The following METRNL variants were observed in gnomAD, a reference collection of about 807,000 sequenced individuals.
The protein encoded by METRNL is meteorin-like protein.
In METRNL, 9 loss-of-function variants were observed where a neutral mutation model predicts 17.4. That is an observed-to-expected ratio of 0.52 (90% CI 0.31 to 0.90). The LOEUF is 0.90. Among genes scored for constraint, METRNL ranks in the 40% least tolerant of loss-of-function variants. METRNL has a pLI of 0.05. For missense variants in METRNL, 408 were observed against 430.7 expected (o/e 0.95, Z 0.47); for synonymous variants, 215 against 199.3 (o/e 1.08, Z -0.66).
chr17:83,092,126 C>A (rs987336775), intron 2 of METRNL, among the ~76,000 whole-genome samples: 1 of 152,210 alleles, frequency 6.6e-6, no homozygotes, highest in Admixed American at 6.5e-5. Flanking sequence ...GGAGGCCAGG[C>A]CCCGCAGGGT....
Position 83,085,315 on chromosome 17 carries a change from AG to A in METRNL, c.549del (p.Glu183AspfsTer16). On this transcript the variant is annotated frameshift_variant, in exon 2 of 4. Transcript: ENST00000320095. LOFTEE classifies it high-confidence loss of function. ...VRRHRASDLH[E>X]LSAPCRPCSD... ...AGGCACAGGGCGTCGGACCTGCACG[AG>A]CTGTCTGGTGAGTGTCCTGCCTGGG... is the stretch of plus-strand genomic sequence containing the variant. The A allele has an allele frequency of 6.6e-7, 1 of 1,524,552 alleles. No homozygotes were observed. Among genetic ancestry groups the A allele is most frequent in the Non-Finnish European group, 8.8e-7 (1 of 1,135,674 alleles). 94.4% of individuals were successfully genotyped at this position (1,524,552 alleles called of 1,614,324 possible).
At chr17:83,092,638 G>A (rs1039046239) in intron 2 of METRNL, 1 of 140,152 alleles carries the variant, frequency 7.1e-6, no homozygotes, top group Admixed American at 7.0e-5. Flanking sequence ...GGTTGGGGGC[G>A]ACTCTGGGAG....
At chr17:83,086,856 G>A (rs769468545) in intron 2 of METRNL, among the ~76,000 whole-genome samples, 5 of 152,116 alleles carry the variant, frequency 3.3e-5, no homozygotes, top group Non-Finnish European at 7.4e-5. Flanking sequence ...CAGCTGGGGC[G>A]ACCCTTACGG....
Position 83,079,972 on chromosome 17 carries a change from A to C in METRNL, c.157A>C (p.Ser53Arg), listed in dbSNP as rs981027542. The change falls in exon 1 of 4, where the codon AGC becomes CGC. Residue 53 changes from serine (S) to arginine (R), a missense_variant. Physicochemically the swap from Ser to Arg is moderately radical, Grantham distance 110 (BLOSUM62 -1). Coordinates refer to ENST00000320095, the MANE Select transcript of METRNL (RefSeq NM_001004431.3). ...CGCGCAGTACTCCAGCGACCGGTGC[A>C]GCTGGAAGGGGAGGTGAGTGTGCGC... ...AGAQYSSDRC[S>R]WKGSGLTHEA... 3 of 1,013,148 alleles carry C rather than the reference A, an allele frequency of 3.0e-6. No individual in the cohort carries two copies. Among genetic ancestry groups the C allele is most frequent in the Non-Finnish European group, 3.5e-6 (3 of 849,770 alleles). 62.8% of individuals were successfully genotyped at this position (1,013,148 alleles called of 1,614,324 possible). A position where few individuals can be genotyped will look rare whatever the true frequency, so the allele number is the denominator to read the frequency against.
At chr17:83,087,821 C>G (rs2038069910) in intron 2 of METRNL, among the ~76,000 whole-genome samples, 1 of 152,132 alleles carries the variant, frequency 6.6e-6, no homozygotes, top group South Asian at 2.1e-4. Context: ...GCACGACCCA[C>G]GGGAGGTGGA....
chr17:83,080,351 C>G (rs1055234754), intron 1 of METRNL: 11 of 150,312 alleles, frequency 7.3e-5, no homozygotes, highest in African/African-American at 2.7e-4. Flanking sequence ...TTGCGCGCCC[C>G]GAGGCCGCCC....
intron 2 of METRNL, among the ~76,000 whole-genome samples, chr17:83,088,482 C>T (rs1013405749): frequency 5.9e-5 from 9 of 152,196 alleles, no homozygotes; most frequent in African/African-American, 2.2e-4. Context: ...GTGTCAGATG[C>T]TCCTGGCTTG....
intron 2 of METRNL, among the ~76,000 whole-genome samples, chr17:83,086,364 T>C (rs1295685575): frequency 2.0e-5 from 3 of 152,236 alleles, no homozygotes; most frequent in Non-Finnish European, 4.4e-5. Context: ...AGACTGCCCC[T>C]TGGGCCTCAG....
At position 83,094,368 on chromosome 17, in the gene METRNL, G is replaced by T. The variant is rs938201969; in HGVS notation, c.729G>T (p.Val243=). Residue 243 remains valine (V), a synonymous_variant, in exon 4 of 4, where the codon GTG becomes GTT. Transcript: ENST00000320095. ...AGAAAAGCAGGGTCTTCGAGCCGGT[G>T]CCCGAGGGTGACGGCCACTGGCAGG... ...YRQKSRVFEP[V]PEGDGHWQGR... 1 of 1,610,956 alleles carries T rather than the reference G, an allele frequency of 6.2e-7. No homozygotes were observed. Among genetic ancestry groups the T allele is most frequent in the Non-Finnish European group, 8.5e-7 (1 of 1,178,604 alleles).
chr17:83,083,465 A>G (rs1226482109), intron 1 of METRNL, among the ~76,000 whole-genome samples: 2 of 152,230 alleles, frequency 1.3e-5, no homozygotes, highest in South Asian at 2.1e-4. Context: ...TGAGTGTATC[A>G]GCCACTCACC....
chr17:83,094,441 G>A lies in METRNL; in HGVS notation c.802G>A (p.Asp268Asn), dbSNP rs561416919. Residue 268 changes from aspartate (D) to asparagine (N), a missense_variant, in exon 4 of 4, where the codon GAC (aspartate) becomes AAC (asparagine). By Grantham distance (23) the Asp-to-Asn change is conservative. Coordinates refer to ENST00000320095, the MANE Select transcript of METRNL (RefSeq NM_001004431.3). ...LECGVRPGHG[D>N]FLFTGHMHFG... The stretch of plus-strand genomic sequence containing the variant: ...GTGTGGCGTGCGGCCGGGGCATGGC[G>A]ACTTCCTCTTCACTGGCCACATGCA... The A allele has an allele frequency of 6.9e-6, 11 of 1,597,278 alleles. No homozygotes were observed. Among genetic ancestry groups the A allele is most frequent in the African/African-American group, 5.3e-5 (4 of 74,802 alleles).
intron 2 of METRNL, among the ~76,000 whole-genome samples, chr17:83,086,533 G>A (rs1207469327): frequency 1.3e-5 from 2 of 152,176 alleles, no homozygotes; most frequent in Non-Finnish European, 2.9e-5. Flanking sequence ...GGGGGCCCTG[G>A]AGAAAAACTC....
At chr17:83,087,930 C>T (rs926595659) in intron 2 of METRNL, among the ~76,000 whole-genome samples, 8 of 152,306 alleles carry the variant, frequency 5.3e-5, no homozygotes, top group Middle Eastern at 3.4e-3. Flanking sequence ...GTGTGAGCCC[C>T]GTCCCCTGCC....
intron 2 of METRNL, among the ~76,000 whole-genome samples, chr17:83,091,262 CTG>C (rs71933860): frequency 0.24 from 36,739 of 151,988 alleles, 5,278 homozygotes; most frequent in Non-Finnish European, 0.33. Flanking sequence ...GCTCAGCAGG[CTG>C]TGCAGTTTCT....
chr17:83,091,887 A>C (rs1214687865), intron 2 of METRNL, among the ~76,000 whole-genome samples: 1 of 152,250 alleles, frequency 6.6e-6, no homozygotes, highest in Non-Finnish European at 1.5e-5. Context: ...TGAGGCCTTG[A>C]AACCTGCAAT....
chr17:83,093,553 G>A (rs1454077079), intron 3 of METRNL, among the ~76,000 whole-genome samples: 1 of 152,222 alleles, frequency 6.6e-6, no homozygotes, highest in African/African-American at 2.4e-5. Context: ...GAAGTGCTTT[G>A]TAAACAGCAT....
intron 2 of METRNL, among the ~76,000 whole-genome samples, chr17:83,090,986 G>A (rs1410320463): frequency 2.0e-5 from 3 of 152,162 alleles, no homozygotes; most frequent in Admixed American, 6.5e-5. Flanking sequence ...GTCAAGGGTG[G>A]GCCACACCCC....
chr17:83,085,959 C>G (rs921920840), intron 2 of METRNL, among the ~76,000 whole-genome samples: 2 of 152,182 alleles, frequency 1.3e-5, no homozygotes, highest in Non-Finnish European at 2.9e-5. Flanking sequence ...CCAGAGGGGT[C>G]TTGTGGGTAC....
Position 83,089,653 on chromosome 17 carries a change from C to T in METRNL, c.557-3514C>T, listed in dbSNP as rs527459524. 2.2e-4 allele frequency among the ~76,000 whole-genome samples: 34 copies of T among 152,230 alleles called. No homozygotes were observed. The South Asian group carries it at 3.1e-3, about 14-fold the overall frequency. On this transcript the variant is annotated intron_variant, in intron 2 of 3. Coordinates refer to ENST00000320095, the MANE Select transcript of METRNL (RefSeq NM_001004431.3). ...CCAACCCTTTGCCGACCCTCCCCAC[C>T]GCCCTGGAGACGAGGTGCAATGTGT...
Sources: allele counts gnomAD v4.1 joint callset (sites outside exome capture counted in the v4.1 genomes callset), GRCh38; gene constraint gnomAD v4.1.1; transcripts MANE v1.5; gene names NCBI Gene and HGNC (gene_info 2026-07-23, HGNC 2026-07-21).